ALDH4A1: variants seen among roughly 807,000 people sequenced by gnomAD.
ALDH4A1 encodes aldehyde dehydrogenase 4 family member A1.
A neutral mutation model predicts 70.5 loss-of-function variants in ALDH4A1; 46 were observed. That is an observed-to-expected ratio of 0.65 (90% confidence interval 0.51 to 0.83). The LOEUF (loss-of-function observed/expected upper bound fraction) is 0.83. Ranked by LOEUF, ALDH4A1 falls within the 40% of genes least tolerant of loss-of-function variation. ALDH4A1 has a pLI of 0.00. For synonymous variants in ALDH4A1, 323 were observed against 324.3 expected (o/e 1.00, Z 0.04); for missense variants, 749 against 766.5 (o/e 0.98, Z 0.27).
intron 3 of ALDH4A1, 32 bp downstream of exon 3, chr1:18,889,330 G>A (rs762361585): frequency 9.1e-6 from 14 of 1,534,152 alleles, no homozygotes; most frequent in Middle Eastern, 1.7e-4. Flanking sequence ...ATTCAGGGGA[G>A]GGGCTGAGCT....
rs41310410 is a variant in ALDH4A1 at position 18,877,467 on chromosome 1, C to T, written c.1086G>A (p.Pro362=). Residue 362 remains proline (P), a synonymous_variant, in exon 10 of 15, where the codon CCG becomes CCA. Transcript: ENST00000375341. Reference sequence around the variant, plus strand: ...CCTCCAGCAGCCGCCCTTTGATCTGCGGCCACAGCGAGTGCGGCACGTAGA... The same window carrying T: ...CCTCCAGCAGCCGCCCTTTGATCTGTGGCCACAGCGAGTGCGGCACGTAGA... ...SRLYVPHSLW[P]QIKGRLLEEH... The T allele has an allele frequency of 0.031, 49,366 of 1,594,862 alleles. 865 individuals are homozygous for T. The highest frequency in any genetic ancestry group is 0.036 in the Non-Finnish European group (42,121 of 1,170,616).
At chr1:18,888,077 A>T (rs961668357) in intron 3 of ALDH4A1, among the ~76,000 whole-genome samples, 5 of 152,232 alleles carry the variant, frequency 3.3e-5, no homozygotes, top group African/African-American at 1.2e-4. Flanking sequence ...CTAAAAGAGT[A>T]GCCACGAGCC....
At chr1:18,891,887 G>A (rs1386939199) in intron 1 of ALDH4A1, among the ~76,000 whole-genome samples, 2 of 152,084 alleles carry the variant, frequency 1.3e-5, no homozygotes, top group African/African-American at 4.8e-5. Context: ...AATTAGCTGG[G>A]CGTAGTGGCC....
intron 1 of ALDH4A1, chr1:18,901,046 T>G: frequency 3.4e-6 from 1 of 290,254 alleles, no homozygotes; most frequent in Non-Finnish European, 5.1e-6. Context: ...GTAAATTCCC[T>G]GGGTACCCCT....
At chr1:18,900,434 G>C (rs1273039042) in intron 1 of ALDH4A1, among the ~76,000 whole-genome samples, 1 of 152,244 alleles carries the variant, frequency 6.6e-6, no homozygotes, top group Non-Finnish European at 1.5e-5. Flanking sequence ...TAGAGCACTG[G>C]CTCTCAACCG....
At chr1:18,875,345 C>G (rs756334274) in intron 13 of ALDH4A1, 37 bp downstream of exon 13, 6 of 1,613,674 alleles carry the variant, frequency 3.7e-6, no homozygotes, top group Non-Finnish European at 5.1e-6. Context: ...ACAGGACACC[C>G]GGAGCACAGC....
chr1:18,882,008 G>A (rs1439922258), intron 7 of ALDH4A1, 121 bp from the exon 8 acceptor site: 1 of 1,008,050 alleles, frequency 9.9e-7, no homozygotes, highest in Non-Finnish European at 1.5e-6. Context: ...GTGCCAACCA[G>A]GACATCCCCT....
intron 1 of ALDH4A1, 57 bp from the exon 2 acceptor site, chr1:18,890,162 G>A: frequency 7.0e-7 from 1 of 1,433,914 alleles, no homozygotes; most frequent in Non-Finnish European, 9.7e-7. Context: ...CCCACCACCA[G>A]ACCCCAGCCC....
intron 1 of ALDH4A1, chr1:18,900,876 G>T (rs747431965): frequency 2.0e-6 from 2 of 985,114 alleles, no homozygotes; most frequent in African/African-American, 3.5e-5. Flanking sequence ...AGTACTTACC[G>T]GCTCGGTGTT....
chr1:18,893,651 C>T (rs182150150), intron 1 of ALDH4A1, among the ~76,000 whole-genome samples: 65 of 152,152 alleles, frequency 4.3e-4, no homozygotes, highest in Admixed American at 1.0e-3. Flanking sequence ...TACAGGTGCC[C>T]GCCACCACAC....
chr1:18,900,079 G>T (rs1935750138), intron 1 of ALDH4A1, among the ~76,000 whole-genome samples: 1 of 152,122 alleles, frequency 6.6e-6, no homozygotes, highest in Non-Finnish European at 1.5e-5. Flanking sequence ...ACCTCTGTGT[G>T]GTACAATTCC....
chr1:18,893,105 A>G (rs114497839), intron 1 of ALDH4A1, among the ~76,000 whole-genome samples: 1,994 of 152,278 alleles, frequency 0.013, 41 homozygotes, highest in African/African-American at 0.044. Context: ...CGGGACTCCA[A>G]ATAACTGAGT....
At chr1:18,876,241 CAGG>C in intron 12 of ALDH4A1, 71 bp downstream of exon 12, 18 of 1,569,464 alleles carry the variant, frequency 1.1e-5, no homozygotes, top group Non-Finnish European at 1.6e-5. Flanking sequence ...AGAATGTCTC[CAGG>C]AGAACTGTGT....
chr1:18,874,714 TGCTGCCA>T, intron 13 of ALDH4A1, 133 bp from the exon 14 acceptor site: 1 of 838,978 alleles, frequency 1.2e-6, no homozygotes, highest in South Asian at 1.4e-5. Context: ...GGATGAGGGA[TGCTGCCA>T]GCTGTTGGCT....
At position 18,900,573 on chromosome 1, in the gene ALDH4A1, A is replaced by G. The variant is rs28373885; in HGVS notation, c.62+1889T>C. The stretch of plus-strand genomic sequence containing the variant: ...CTGACATGCAGCGGGTAAAGGCCAG[A>G]GACGCTGCTAAACATTCTACAGTGC... On this transcript the variant is annotated intron_variant, in intron 1 of 14. Transcript: ENST00000375341. 2.4e-3 allele frequency among the ~76,000 whole-genome samples: 373 copies of G among 152,316 alleles called. 5 individuals are homozygous for G. Among genetic ancestry groups the G allele is most frequent in the African/African-American group, 8.7e-3 (361 of 41,568 alleles).
intron 1 of ALDH4A1, chr1:18,897,111 C>A: frequency 1.9e-6 from 1 of 532,654 alleles, no homozygotes; most frequent in Non-Finnish European, 3.9e-6. Context: ...CCGAAATGTT[C>A]CAAAATCTGA....
intron 8 of ALDH4A1, 90 bp downstream of exon 8, chr1:18,881,610 T>G: frequency 6.9e-7 from 1 of 1,453,342 alleles, no homozygotes; most frequent in Non-Finnish European, 9.6e-7. Context: ...GCATGACCCC[T>G]GGGTTCACAG....
chr1:18,897,379 C>T (rs1254916784), intron 1 of ALDH4A1, among the ~76,000 whole-genome samples: 3 of 152,158 alleles, frequency 2.0e-5, no homozygotes, highest in Non-Finnish European at 4.4e-5. Flanking sequence ...CCCATCTCTA[C>T]TAAAAGTACA....
chr1:18,882,844 G>T (rs1188613483), intron 7 of ALDH4A1, among the ~76,000 whole-genome samples: 2 of 152,220 alleles, frequency 1.3e-5, no homozygotes, highest in Non-Finnish European at 2.9e-5. Flanking sequence ...TCACAACCCA[G>T]TCATGGAGGC....
Sources: gnomAD v4.1 joint callset for allele counts (sites outside exome capture counted in the v4.1 genomes callset) on GRCh38, gnomAD v4.1.1 for gene constraint, MANE v1.5 for transcripts, NCBI Gene and HGNC (gene_info 2026-07-23, HGNC 2026-07-21) for gene names.